The following TENM3 variants were observed in gnomAD, a reference collection of about 807,000 sequenced individuals.
TENM3 encodes the protein teneurin transmembrane protein 3.
In TENM3, 63 loss-of-function variants were observed where a neutral mutation model predicts 255.1. The observed-to-expected ratio is 0.25, with a 90% CI of 0.20 to 0.30. The LOEUF (loss-of-function observed/expected upper bound fraction) is 0.30, where lower values mean the gene tolerates loss of function less well. Among genes scored for constraint, TENM3 ranks in the 10% least tolerant of loss-of-function variants. The pLI is 1.00. For missense variants in TENM3, 2,929 were observed against 3,461.1 expected (o/e 0.85, Z 3.86); for synonymous variants, 1,306 against 1,322.3 (o/e 0.99, Z 0.27).
the TENM3 span, among the ~76,000 whole-genome samples, chr4:182,128,827 T>C: frequency 6.6e-6 from 1 of 152,318 alleles, no homozygotes; most frequent in East Asian, 1.9e-4. Context: ...AAAAATCAAC[T>C]TCAGAAATTA....
chr4:181,556,058 T>C, the TENM3 span, among the ~76,000 whole-genome samples: 51,814 of 152,130 alleles, frequency 0.34, 9,448 homozygotes, highest in Non-Finnish European at 0.41. Flanking sequence ...ACTATTACCT[T>C]AGGGATGTTT....
chr4:181,614,693 A>C, the TENM3 span, among the ~76,000 whole-genome samples: 1 of 152,192 alleles, frequency 6.6e-6, no homozygotes, highest in African/African-American at 2.4e-5. Flanking sequence ...ATCAAAATGC[A>C]CAGTAGATAC....
intron 3 of TENM3, among the ~76,000 whole-genome samples, chr4:182,515,261 C>G (rs1243334567): frequency 1.3e-5 from 2 of 152,016 alleles, no homozygotes; most frequent in East Asian, 3.9e-4. Flanking sequence ...GTGACAGTCA[C>G]TAAGTGAGGC....
the TENM3 span, among the ~76,000 whole-genome samples, chr4:181,930,254 A>G: frequency 6.6e-6 from 1 of 152,166 alleles, no homozygotes. Flanking sequence ...TATTAACAAA[A>G]TAGATAGACC....
the TENM3 span, among the ~76,000 whole-genome samples, chr4:181,865,082 T>A: frequency 6.6e-6 from 1 of 152,168 alleles, no homozygotes; most frequent in Non-Finnish European, 1.5e-5. Context: ...ACTACTGGAG[T>A]TGACTTACAA....
chr4:182,447,226 G>C (rs892103485), intron 3 of TENM3, among the ~76,000 whole-genome samples: 7 of 151,850 alleles, frequency 4.6e-5, no homozygotes, highest in Non-Finnish European at 8.8e-5. Flanking sequence ...CGTTGTAATA[G>C]AGTGTGTTTG....
chr4:181,554,406 G>C, the TENM3 span, among the ~76,000 whole-genome samples: 1 of 152,100 alleles, frequency 6.6e-6, no homozygotes, highest in East Asian at 1.9e-4. Flanking sequence ...TCAATCAATT[G>C]GTTACAATTA....
chr4:181,933,905 G>A, the TENM3 span, among the ~76,000 whole-genome samples: 2 of 152,078 alleles, frequency 1.3e-5, no homozygotes, highest in Non-Finnish European at 2.9e-5. Context: ...TGAAATTAAG[G>A]TGTATGGGAT....
chr4:181,605,692 G>A, the TENM3 span, among the ~76,000 whole-genome samples: 1 of 152,224 alleles, frequency 6.6e-6, no homozygotes, highest in African/African-American at 2.4e-5. Flanking sequence ...ATAAGAGAAA[G>A]CATATAATGC....
chr4:182,750,349 A>T (rs1270402616), intron 19 of TENM3, among the ~76,000 whole-genome samples: 1 of 152,162 alleles, frequency 6.6e-6, no homozygotes, highest in Admixed American at 6.5e-5. Flanking sequence ...AAGCCTTTGT[A>T]TGTCTTTGTA....
At chr4:182,520,415 G>A (rs964131347) in intron 3 of TENM3, among the ~76,000 whole-genome samples, 1 of 152,172 alleles carries the variant, frequency 6.6e-6, no homozygotes, top group African/African-American at 2.4e-5. Flanking sequence ...GCCCATAGAT[G>A]TGTATGTATT....
At chr4:181,733,793 T>C in the TENM3 span, among the ~76,000 whole-genome samples, 2 of 152,184 alleles carry the variant, frequency 1.3e-5, no homozygotes, top group African/African-American at 2.4e-5. Flanking sequence ...TCCCATTCTT[T>C]GTTTTTCAGG....
At chr4:182,588,312 T>C (rs1746250922) in intron 3 of TENM3, among the ~76,000 whole-genome samples, 1 of 152,226 alleles carries the variant, frequency 6.6e-6, no homozygotes, top group African/African-American at 2.4e-5. Context: ...ATTTGTGATA[T>C]GTTATCTGAA....
chr4:181,774,038 T>G, the TENM3 span, among the ~76,000 whole-genome samples: 1 of 106,850 alleles, frequency 9.4e-6, no homozygotes, highest in Non-Finnish European at 1.8e-5. Context: ...TATTATACTC[T>G]AAGTTTTAGG....
At chr4:182,448,668 G>T (rs1773146242) in intron 3 of TENM3, among the ~76,000 whole-genome samples, 1 of 151,808 alleles carries the variant, frequency 6.6e-6, no homozygotes, top group Non-Finnish European at 1.5e-5. Flanking sequence ...GCTCGCGAGC[G>T]TGCGTGTGTG....
intron 1 of TENM3, among the ~76,000 whole-genome samples, chr4:182,159,525 T>G (rs1750961858): frequency 6.6e-6 from 1 of 151,950 alleles, no homozygotes; most frequent in Non-Finnish European, 1.5e-5. Flanking sequence ...GTCAGAATGC[T>G]GGGAACAGGA....
the TENM3 span, chr4:181,821,686 A>C: frequency 6.6e-6 from 1 of 152,180 alleles, no homozygotes; most frequent in Non-Finnish European, 1.5e-5. Context: ...GGCAATGAGA[A>C]GTCACTTTAA....
At chr4:181,725,436 T>TC in the TENM3 span, among the ~76,000 whole-genome samples, 1 of 142,074 alleles carries the variant, frequency 7.0e-6, no homozygotes, top group Admixed American at 7.0e-5. Flanking sequence ...TTTTTTTTTT[T>TC]CTGAAATCGC....
chr4:182,580,249 G>T (rs1364630646), intron 3 of TENM3, among the ~76,000 whole-genome samples: 1 of 152,060 alleles, frequency 6.6e-6, no homozygotes, highest in African/African-American at 2.4e-5. Context: ...TATTTTGGAA[G>T]TTTGGTTCTT....
Sources: allele counts gnomAD v4.1 joint callset (sites outside exome capture counted in the v4.1 genomes callset), GRCh38; gene constraint gnomAD v4.1.1; transcripts MANE v1.5; gene names NCBI Gene and HGNC (gene_info 2026-07-23, HGNC 2026-07-21).